C18orf63: variants seen among roughly 807,000 people sequenced by gnomAD.
The protein encoded by C18orf63 is uncharacterized protein C18orf63.
A neutral mutation model predicts 75.3 loss-of-function variants in C18orf63; 50 were observed. That is an observed-to-expected ratio of 0.66 (90% CI 0.53 to 0.84). The LOEUF is 0.84. Among genes scored for constraint, C18orf63 ranks in the 40% least tolerant of loss-of-function variants. The pLI is 0.00. For synonymous variants in C18orf63, 232 were observed against 267.6 expected (o/e 0.87, Z 1.30); for missense variants, 732 against 800.2 (o/e 0.91, Z 1.03).
chr18:74,321,333 A>G (rs1338186097), intron 3 of C18orf63, among the ~76,000 whole-genome samples: 1 of 149,412 alleles, frequency 6.7e-6, no homozygotes, highest in Non-Finnish European at 1.5e-5. Context: ...GAGACAGGAT[A>G]TGGCTCTCTT....
chr18:74,345,758 T>G (rs975551662), intron 11 of C18orf63, among the ~76,000 whole-genome samples: 1 of 152,116 alleles, frequency 6.6e-6, no homozygotes, highest in African/African-American at 2.4e-5. Flanking sequence ...CTCTGGTCAG[T>G]TTGTTGATCC....
chr18:74,339,998 T>C (rs1040419461), intron 8 of C18orf63, among the ~76,000 whole-genome samples: 3 of 151,846 alleles, frequency 2.0e-5, no homozygotes, highest in African/African-American at 4.8e-5. Flanking sequence ...AAAGCAAAAA[T>C]AGACAAATGT....
chr18:74,354,573 GT>G, intron 13 of C18orf63, 27 bp downstream of exon 13: 2 of 1,109,212 alleles, frequency 1.8e-6, no homozygotes. Flanking sequence ...CTTTTGATTT[GT>G]TTTTACATTA....
Position 74,346,956 on chromosome 18 carries a change from C to T in C18orf63, c.978+3254C>T, listed in dbSNP as rs186993633. On this transcript the variant is annotated intron_variant, in intron 11 of 13. Transcript: ENST00000579455. ...GCTCAGAACATCCAAATAATTTAAC[C>T]AAAGCCACACAGTTAAATGCATTGC... Among the ~76,000 whole-genome samples the T allele has an allele frequency of 5.2e-3, 789 of 152,268 alleles. 25 individuals carry two copies. The highest frequency in any genetic ancestry group is 0.05 in the Admixed American group (767 of 15,286).
rs1984778835 is a variant in C18orf63 at position 74,357,040 on chromosome 18, C to T, written c.*593C>T. On this transcript the variant is annotated 3_prime_UTR_variant, in exon 14 of 14. Coordinates refer to ENST00000579455, the MANE Select transcript of C18orf63 (RefSeq NM_001174123.2). ...AAAAAGAATGTGTATATATATATTA[C>T]ATTTTGGGGATCTCTACTATATCTC... 6.6e-6 allele frequency: 1 copy of T among 152,092 alleles called. No homozygotes were observed. Among genetic ancestry groups the T allele is most frequent in the Non-Finnish European group, 1.5e-5 (1 of 68,030 alleles). 9.4% of individuals were successfully genotyped at this position (152,092 alleles called of 1,614,324 possible). A position where few individuals can be genotyped will look rare whatever the true frequency, so the allele number is the denominator to read the frequency against.
chr18:74,318,887 A>G lies in C18orf63; in HGVS notation c.134+888A>G, dbSNP rs117919167. 8.9e-3 allele frequency among the ~76,000 whole-genome samples: 1,360 copies of G among 152,300 alleles called. 16 individuals are homozygous for G. The highest frequency in any genetic ancestry group is 0.01 in the Non-Finnish European group (697 of 68,024). On this transcript the variant is annotated intron_variant, in intron 2 of 13. Transcript: ENST00000579455. The stretch of plus-strand genomic sequence containing the variant: ...CTCCTTTAAATTGTTTGAGGCACTC[A>G]AAGGAAGAGTCATAGAAAACATGAG...
At chr18:74,350,791 A>C (rs1984654459) in intron 11 of C18orf63, among the ~76,000 whole-genome samples, 2 of 152,188 alleles carry the variant, frequency 1.3e-5, no homozygotes, top group Admixed American at 6.5e-5. Flanking sequence ...CCCCTTGAAA[A>C]TAATGGGCAA....
At position 74,343,645 on chromosome 18, in the gene C18orf63, A is replaced by G. The variant is rs1453274957; in HGVS notation, c.921A>G (p.Ile307Met). 12 of 1,534,502 alleles carry G rather than the reference A, an allele frequency of 7.8e-6. No individual in the cohort carries two copies. Among genetic ancestry groups the G allele is most frequent in the Non-Finnish European group, 8.7e-6 (10 of 1,145,948 alleles). ...SKLPHICGFP[I>M]KMTSKPCYYT... ...TGCCCCATATATGTGGATTTCCCAT[A>G]AAGATGACAAGTAAACCATGCTACT... The change falls in exon 11 of 14, where the codon ATA (isoleucine) becomes ATG (methionine). Residue 307 changes from isoleucine (I) to methionine (M), a missense_variant. By Grantham distance (10) the Ile-to-Met change is conservative. This residue lies in a region of C18orf63 where 495 missense variants were observed against 508.7 expected (regional missense o/e 0.97). Coordinates refer to ENST00000579455, the MANE Select transcript of C18orf63 (RefSeq NM_001174123.2).
rs191363700 is a variant in C18orf63, at chr18:74,334,908, T to G, written c.502-3807T>G. On this transcript the variant is annotated intron_variant, in intron 7 of 13. Coordinates refer to ENST00000579455, the MANE Select transcript of C18orf63 (RefSeq NM_001174123.2). ...TATGAATTGTTTCTCAAAGATAGTA[T>G]GGTCTTTCATCCTTCCATGTCTTTG... Among the ~76,000 whole-genome samples, 6 of 152,316 alleles carry G rather than the reference T, an allele frequency of 3.9e-5. No individual in the cohort carries two copies. In the East Asian group the frequency reaches 1.2e-3, roughly 29 times the overall value.
chr18:74,324,999 A>G (rs180826473), intron 4 of C18orf63, among the ~76,000 whole-genome samples: 8 of 152,326 alleles, frequency 5.3e-5, no homozygotes, highest in African/African-American at 1.9e-4. Flanking sequence ...AATCATAATC[A>G]GCAGATATTT....
chr18:74,319,901 G>A (rs1035087754), intron 2 of C18orf63, among the ~76,000 whole-genome samples: 1 of 152,096 alleles, frequency 6.6e-6, no homozygotes, highest in Admixed American at 6.5e-5. Flanking sequence ...TCAGATGCGG[G>A]GACAAGTTCT....
At chr18:74,330,659 G>A (rs1406343932) in intron 6 of C18orf63, among the ~76,000 whole-genome samples, 2 of 151,862 alleles carry the variant, frequency 1.3e-5, no homozygotes, top group African/African-American at 4.8e-5. Flanking sequence ...ACACATTCAT[G>A]CTGTTTCATA....
intron 7 of C18orf63, among the ~76,000 whole-genome samples, chr18:74,332,701 G>A (rs1188751917): frequency 7.2e-6 from 1 of 138,660 alleles, no homozygotes; most frequent in African/African-American, 2.7e-5. Flanking sequence ...AGAAGAGCAA[G>A]ACTCCATCTT....
chr18:74,343,909 A>G (rs919906720), intron 11 of C18orf63, among the ~76,000 whole-genome samples: 1 of 152,168 alleles, frequency 6.6e-6, no homozygotes, highest in South Asian at 2.1e-4. Flanking sequence ...GTATTATAGT[A>G]GTAGTTGTTT....
rs112714624 is a variant in C18orf63 at position 74,341,055 on chromosome 18, G to C, written c.612-977G>C. Among the ~76,000 whole-genome samples, 833 of 151,988 alleles carry C rather than the reference G, an allele frequency of 5.5e-3. 6 individuals carry two copies. The highest frequency in any genetic ancestry group is 0.019 in the African/African-American group (801 of 41,476). On this transcript the variant is annotated intron_variant, in intron 8 of 13. Transcript: ENST00000579455. Reference sequence around the variant, plus strand: ...CGAGGCTGGCGGATCACGAGGTCCGGAGATCGAGACCATCCCGGCTAAAAC... The same window carrying C: ...CGAGGCTGGCGGATCACGAGGTCCGCAGATCGAGACCATCCCGGCTAAAAC...
intron 2 of C18orf63, among the ~76,000 whole-genome samples, chr18:74,319,538 A>G (rs561764174): frequency 1.3e-5 from 2 of 152,230 alleles, no homozygotes; most frequent in African/African-American, 4.8e-5. Context: ...TTGAAATGAA[A>G]TTATTAATGG....
Position 74,322,756 on chromosome 18 carries a change from T to TA in C18orf63, c.270+4dup. The TA allele has an allele frequency of 1.0e-5, 13 of 1,276,188 alleles. No individual in the cohort carries two copies. Among genetic ancestry groups the TA allele is most frequent in the Non-Finnish European group, 1.3e-5 (12 of 935,916 alleles). 79.1% of individuals were successfully genotyped at this position (1,276,188 alleles called of 1,614,324 possible). The stretch of plus-strand genomic sequence containing the variant: ...TATGTTGAAAAATATGGAGCTAAGG[T>TA]AAGTGTTAAAAAATGATATTAATAC... On this transcript the variant is annotated splice_region_variant and intron_variant, in intron 4 of 13. Transcript: ENST00000579455.
rs1167605767 is a variant in C18orf63 at position 74,357,056 on chromosome 18, A to G, written c.*609A>G. The G allele has an allele frequency of 6.6e-6, 1 of 152,190 alleles. No individual in the cohort carries two copies. Among genetic ancestry groups the G allele is most frequent in the African/African-American group, 2.4e-5 (1 of 41,452 alleles). 9.4% of individuals were successfully genotyped at this position (152,190 alleles called of 1,614,324 possible). ...TATATATTACATTTTGGGGATCTCT[A>G]CTATATCTCTGCAGGCTCACTAAAT... On this transcript the variant is annotated 3_prime_UTR_variant, in exon 14 of 14. Transcript: ENST00000579455.
chr18:74,358,719 A>C lies in C18orf63; in HGVS notation c.*2272A>C, dbSNP rs1233586409. On this transcript the variant is annotated 3_prime_UTR_variant, in exon 14 of 14. Transcript: ENST00000579455. ...TATGTTTGCCTATGTCCAGGAGCTG[A>C]AGAAATCAGCGATTACTTTAAAAAA... 2 of 152,196 alleles carry C rather than the reference A, an allele frequency of 1.3e-5. No homozygotes were observed. The highest frequency in any genetic ancestry group is 3.8e-4 in the East Asian group (2 of 5,200). 9.4% of individuals were successfully genotyped at this position (152,196 alleles called of 1,614,324 possible).
Sources: allele counts gnomAD v4.1 joint callset (sites outside exome capture counted in the v4.1 genomes callset), GRCh38; gene constraint gnomAD v4.1.1; regional missense constraint gnomAD v4.1.1; transcripts MANE v1.5; gene names NCBI Gene and HGNC (gene_info 2026-07-23, HGNC 2026-07-21).